The following ZNF146 variants were observed in gnomAD, a reference collection of about 807,000 sequenced individuals.
ZNF146 encodes zinc finger protein 146.
Under a neutral mutation model 22.2 loss-of-function variants are expected in ZNF146, and 9 were observed. The observed-to-expected ratio is 0.41, with a 90% CI of 0.24 to 0.71. ZNF146 has a LOEUF of 0.71. ZNF146 is among the 30% of genes least tolerant of loss of function. ZNF146 has a pLI of 0.34. For missense variants in ZNF146, 194 were observed against 344.8 expected (o/e 0.56, Z 3.46); for synonymous variants, 108 against 119.2 (o/e 0.91, Z 0.61).
At position 36,236,291 on chromosome 19, in the gene ZNF146, A is replaced by T; in HGVS notation, c.-150A>T. The T allele has an allele frequency of 1.1e-6, 1 of 929,184 alleles. No individual in the cohort carries two copies. The highest frequency in any genetic ancestry group is 1.6e-6 in the Non-Finnish European group (1 of 638,552). The allele number at this position is 929,184 out of a possible 1,614,324, so 57.6% of individuals were successfully genotyped here. A position where few individuals can be genotyped will look rare whatever the true frequency, so the allele number is the denominator to read the frequency against. Reference sequence around the variant, plus strand: ...ATGATAACATTTCCTCTCAAACCTTATCCCTTACTCTGCATTTGGGAGATC... The same window carrying T: ...ATGATAACATTTCCTCTCAAACCTTTTCCCTTACTCTGCATTTGGGAGATC... On this transcript the variant is annotated 5_prime_UTR_variant, in exon 4 of 4. Transcript: ENST00000443387.
rs750226785 is a variant in ZNF146, at chr19:36,238,035, G to T, written c.*716G>T. 1 of 167,038 alleles carries T rather than the reference G, an allele frequency of 6.0e-6. No individual in the cohort carries two copies. The highest frequency in any genetic ancestry group is 1.5e-5 in the Non-Finnish European group (1 of 68,106). The allele number at this position is 167,038 out of a possible 1,614,324, so 10.3% of individuals were successfully genotyped here. ...ATGAGTATGAATGCTCAGGAAATAC[G>T]CACTAGGATATTTACTGTGGCTTGA... On this transcript the variant is annotated 3_prime_UTR_variant, in exon 4 of 4. Coordinates refer to ENST00000443387, the MANE Select transcript of ZNF146 (RefSeq NM_007145.3).
intron 2 of ZNF146, among the ~76,000 whole-genome samples, chr19:36,226,348 A>C (rs1451284567): frequency 6.6e-6 from 1 of 152,108 alleles, no homozygotes; most frequent in Non-Finnish European, 1.5e-5. Context: ...TCTCTGACAC[A>C]CCCCATTAGG....
Position 36,235,203 on chromosome 19 carries a change from G to A in ZNF146, c.-782-456G>A, listed in dbSNP as rs568803719. 1.3e-4 allele frequency among the ~76,000 whole-genome samples: 18 copies of A among 135,192 alleles called. No individual in the cohort carries two copies. In the East Asian group the frequency reaches 4.4e-3, roughly 33 times the overall value. The allele number at this position is 135,192 out of a possible 152,430, so 88.7% of individuals were successfully genotyped here. On this transcript the variant is annotated intron_variant, in intron 3 of 3. Transcript: ENST00000443387. ...CAGCCTGGATAACGAGCGAAATTCC[G>A]TCTCAAAAAAAAAAAAAGAAGAAAG...
intron 2 of ZNF146, among the ~76,000 whole-genome samples, chr19:36,221,406 A>G (rs1438407635): frequency 6.8e-6 from 1 of 146,682 alleles, no homozygotes. Flanking sequence ...CTTCTGCCTC[A>G]GCCTCCCGAG....
At chr19:36,229,381 AT>A (rs1977222039) in intron 3 of ZNF146, among the ~76,000 whole-genome samples, 1 of 152,036 alleles carries the variant, frequency 6.6e-6, no homozygotes, top group East Asian at 1.9e-4. Flanking sequence ...TGCTACTTTT[AT>A]GTGTGGGGGT....
intron 3 of ZNF146, among the ~76,000 whole-genome samples, chr19:36,235,266 T>A (rs10419778): frequency 0.041 from 6,187 of 151,940 alleles, 400 homozygotes; most frequent in African/African-American, 0.14. Flanking sequence ...GCATCCCAGG[T>A]AGACTTTCTA....
At chr19:36,214,907 CAGA>C (rs953316652), upstream of ZNF146, 1 of 152,774 alleles carries the variant, frequency 6.5e-6, no homozygotes, top group South Asian at 2.1e-4. Context: ...TCCATCGTCA[CAGA>C]AGGAGGCGGC....
chr19:36,220,521 C>T (rs1461275367), intron 2 of ZNF146, among the ~76,000 whole-genome samples: 5 of 152,132 alleles, frequency 3.3e-5, no homozygotes, highest in South Asian at 2.1e-4. Flanking sequence ...CATGCCACCA[C>T]GCCCAGCTAA....
intron 2 of ZNF146, among the ~76,000 whole-genome samples, chr19:36,219,510 T>C (rs762434735): frequency 1.4e-4 from 21 of 152,244 alleles, no homozygotes; most frequent in Non-Finnish European, 3.1e-4. Flanking sequence ...CTGATGATTT[T>C]TTTTTTAATT....
intron 3 of ZNF146, among the ~76,000 whole-genome samples, chr19:36,233,904 A>G (rs1370150321): frequency 1.3e-5 from 2 of 148,850 alleles, no homozygotes; most frequent in Non-Finnish European, 1.5e-5. Flanking sequence ...TCCTCAGCAC[A>G]GACCCTTTAC....
In ZNF146 at chr19:36,236,242, GAGAA is replaced by G. The variant is rs1977640136; in HGVS notation, c.-196_-193del. 1.0e-5 allele frequency: 6 copies of G among 579,194 alleles called. No homozygotes were observed. Among genetic ancestry groups the G allele is most frequent in the Non-Finnish European group, 1.7e-5 (6 of 361,870 alleles). 35.9% of individuals were successfully genotyped at this position (579,194 alleles called of 1,614,324 possible). On this transcript the variant is annotated 5_prime_UTR_variant, in exon 4 of 4. Coordinates refer to ENST00000443387, the MANE Select transcript of ZNF146 (RefSeq NM_007145.3). ...TTGAATATTAGAAAATTTTTCTAGA[GAGAA>G]AGCATTGAATATACTGAGTATGATA...
chr19:36,221,774 G>A (rs1051183124), intron 2 of ZNF146, among the ~76,000 whole-genome samples: 1 of 151,414 alleles, frequency 6.6e-6, no homozygotes, highest in African/African-American at 2.4e-5. Context: ...CTTCAAGTGG[G>A]TTTTTTGTTT....
intron 3 of ZNF146, among the ~76,000 whole-genome samples, chr19:36,229,519 A>G (rs1373010185): frequency 1.3e-5 from 2 of 152,262 alleles, no homozygotes; most frequent in East Asian, 3.9e-4. Context: ...GTTTTTTTGC[A>G]AAGTTGTGGT....
chr19:36,232,782 G>C (rs1977443691), intron 3 of ZNF146, among the ~76,000 whole-genome samples: 1 of 151,762 alleles, frequency 6.6e-6, no homozygotes, highest in Admixed American at 6.6e-5. Flanking sequence ...CTAATTTTTT[G>C]TATTTTTAGT....
In ZNF146 at chr19:36,236,967, A is replaced by G. The variant is rs373277922; in HGVS notation, c.527A>G (p.Asn176Ser). ...GQKKYLIKHQ[N>S]IHTGEKPYEC... is the part of the protein sequence containing the mutation. Reference sequence around the variant, plus strand: ...AAGAAGTACCTCATAAAACATCAGAACATTCACACTGGAGAGAAACCCTAT... The same window carrying G: ...AAGAAGTACCTCATAAAACATCAGAGCATTCACACTGGAGAGAAACCCTAT... The change falls in exon 4 of 4, where the codon AAC (asparagine) becomes AGC (serine). Residue 176 changes from asparagine (N) to serine (S), a missense_variant. This residue lies in a region of ZNF146 where 147 missense variants were observed against 300.1 expected (regional missense o/e 0.49). Transcript: ENST00000443387. 1.1e-5 allele frequency: 17 copies of G among 1,614,088 alleles called. No individual in the cohort carries two copies. Among genetic ancestry groups the G allele is most frequent in the African/African-American group, 1.3e-5 (1 of 74,936 alleles).
rs752632008 is a variant in ZNF146, at chr19:36,217,055, C to CTTTTTTTTTT, written c.-928-1051_-928-1042dup. Among the ~76,000 whole-genome samples, 28 of 65,878 alleles carry CTTTTTTTTTT rather than the reference C, an allele frequency of 4.3e-4. 3 individuals are homozygous for CTTTTTTTTTT. The highest frequency in any genetic ancestry group is 1.1e-3 in the East Asian group (2 of 1,830). 43.2% of individuals were successfully genotyped at this position (65,878 alleles called of 152,430 possible). A position where few individuals can be genotyped will look rare whatever the true frequency, so the allele number is the denominator to read the frequency against. ...AGCTTGGTGGACAGCCAGTCCCTGT[C>CTTTTTTTTTT]TTTTTTTTTTTTTTTTTTTTTTTTT... On this transcript the variant is annotated intron_variant, in intron 1 of 3. Transcript: ENST00000443387.
rs964611613 is a variant in ZNF146 at position 36,237,936 on chromosome 19, C to A, written c.*617C>A. 3.0e-5 allele frequency: 5 copies of A among 166,928 alleles called. No homozygotes were observed. Among genetic ancestry groups the A allele is most frequent in the African/African-American group, 1.2e-4 (5 of 41,424 alleles). 10.3% of individuals were successfully genotyped at this position (166,928 alleles called of 1,614,324 possible). A position where few individuals can be genotyped will look rare whatever the true frequency, so the allele number is the denominator to read the frequency against. ...AACAGAAATATGGAAAAGCTATGTACTAAAATGCATATGACCTTGGGAATA... is the reference window on the plus strand; with the variant it reads ...AACAGAAATATGGAAAAGCTATGTAATAAAATGCATATGACCTTGGGAATA... On this transcript the variant is annotated 3_prime_UTR_variant, in exon 4 of 4. Coordinates refer to ENST00000443387, the MANE Select transcript of ZNF146 (RefSeq NM_007145.3).
intron 3 of ZNF146, among the ~76,000 whole-genome samples, chr19:36,234,248 AG>A: frequency 6.6e-6 from 1 of 152,210 alleles, no homozygotes; most frequent in Non-Finnish European, 1.5e-5. Context: ...AATTTTTCTT[AG>A]TACAGAACAA....
rs772802757 is a variant in ZNF146, at chr19:36,236,755, C to T, written c.315C>T (p.Cys105=). 8 of 1,613,876 alleles carry T rather than the reference C, an allele frequency of 5.0e-6. No homozygotes were observed. The highest frequency in any genetic ancestry group is 3.3e-4 in the Middle Eastern group (2 of 6,084). ...TGEKPFECKD[C]GKAFIQKSNL... ...AAAAACCTTTTGAGTGTAAAGATTG[C>T]GGGAAAGCTTTCATTCAGAAGTCAA... The change falls in exon 4 of 4, where the codon TGC becomes TGT. Residue 105 remains cysteine, a synonymous_variant. Coordinates refer to ENST00000443387, the MANE Select transcript of ZNF146 (RefSeq NM_007145.3).
Sources: allele counts gnomAD v4.1 joint callset (sites outside exome capture counted in the v4.1 genomes callset), GRCh38; gene constraint gnomAD v4.1.1; regional missense constraint gnomAD v4.1.1; transcripts MANE v1.5; gene names NCBI Gene and HGNC (gene_info 2026-07-23, HGNC 2026-07-21).